The following NAALADL2 variants were observed in gnomAD, a reference collection of about 807,000 sequenced individuals.
The protein encoded by NAALADL2 is inactive N-acetylated-alpha-linked acidic dipeptidase-like protein 2.
Under a neutral mutation model 87.2 loss-of-function variants are expected in NAALADL2, and 76 were observed. The ratio of observed to expected loss-of-function variants is 0.87; its 90% CI spans 0.72 to 1.05. The LOEUF (loss-of-function observed/expected upper bound fraction) is 1.05, where lower values mean the gene tolerates loss of function less well. Among genes scored for constraint, NAALADL2 ranks in the 50% least tolerant of loss-of-function variants. NAALADL2 has a pLI of 0.00. For missense variants in NAALADL2, 1,089 were observed against 945.8 expected, an observed-to-expected ratio of 1.15 and a Z score of -1.99; for synonymous variants, 354 against 331.0, an observed-to-expected ratio of 1.07 and a Z score of -0.75.
chr3:175,302,868 G>A lies in NAALADL2; in HGVS notation c.940-21307G>A, dbSNP rs572799229. Among the ~76,000 whole-genome samples the A allele has an allele frequency of 1.7e-4, 26 of 149,264 alleles. No individual in the cohort carries two copies. In the South Asian group the frequency reaches 2.1e-3, roughly 12 times the overall value. Reference sequence around the variant, plus strand: ...TGTGTATGTGTGTGTGTGTGTGTGTGTATATTTTTTCATAAATATTTGTGA... The same window carrying A: ...TGTGTATGTGTGTGTGTGTGTGTGTATATATTTTTTCATAAATATTTGTGA... On this transcript the variant is annotated intron_variant, in intron 4 of 13. Coordinates refer to ENST00000454872, the MANE Select transcript of NAALADL2 (RefSeq NM_207015.3).
intron 3 of NAALADL2, among the ~76,000 whole-genome samples, chr3:174,803,667 C>T (rs1245121499): frequency 6.6e-6 from 1 of 152,068 alleles, no homozygotes; most frequent in Non-Finnish European, 1.5e-5. Flanking sequence ...GGAAGGAATC[C>T]AGTTTCAGCT....
chr3:175,685,281 C>A (rs1216909617), intron 11 of NAALADL2, among the ~76,000 whole-genome samples: 1 of 152,142 alleles, frequency 6.6e-6, no homozygotes, highest in Non-Finnish European at 1.5e-5. Context: ...CTCCTAGCAT[C>A]AAGTCCAATT....
chr3:174,763,878 GTT>G (rs1444330624), intron 3 of NAALADL2, among the ~76,000 whole-genome samples: 1 of 151,358 alleles, frequency 6.6e-6, no homozygotes, highest in Non-Finnish European at 1.5e-5. Flanking sequence ...GTCCCAAGCA[GTT>G]TTAAAGCCAT....
chr3:175,572,594 A>G (rs1718249749), intron 9 of NAALADL2, among the ~76,000 whole-genome samples: 1 of 152,202 alleles, frequency 6.6e-6, no homozygotes, highest in Non-Finnish European at 1.5e-5. Context: ...ACAATACAAA[A>G]CATGTAAATA....
At chr3:174,960,699 T>C (rs1317609551) in intron 1 of NAALADL2, among the ~76,000 whole-genome samples, 1 of 152,062 alleles carries the variant, frequency 6.6e-6, no homozygotes, top group African/African-American at 2.4e-5. Context: ...TAAAACACTA[T>C]TTTATTCCAA....
chr3:175,274,627 A>G (rs912452427), intron 4 of NAALADL2, among the ~76,000 whole-genome samples: 1 of 152,148 alleles, frequency 6.6e-6, no homozygotes, highest in African/African-American at 2.4e-5. Flanking sequence ...CTCTGGAGTC[A>G]GTCATTTTGG....
chr3:175,197,110 T>C (rs527568489), intron 2 of NAALADL2, among the ~76,000 whole-genome samples: 8 of 152,094 alleles, frequency 5.3e-5, no homozygotes, highest in Middle Eastern at 3.4e-3. Flanking sequence ...AATGGATGCT[T>C]GCAACACTTA....
At chr3:174,674,105 C>A (rs953602003) in intron 2 of NAALADL2, among the ~76,000 whole-genome samples, 1 of 151,834 alleles carries the variant, frequency 6.6e-6, no homozygotes, top group Non-Finnish European at 1.5e-5. Context: ...TCTCAGGGAG[C>A]TTTAACTCAT....
chr3:174,767,328 G>A (rs1713940934), intron 3 of NAALADL2, among the ~76,000 whole-genome samples: 1 of 152,044 alleles, frequency 6.6e-6, no homozygotes, highest in East Asian at 1.9e-4. Flanking sequence ...TAAGTTTTCT[G>A]TCTAGTGTGA....
intron 13 of NAALADL2, among the ~76,000 whole-genome samples, chr3:175,759,102 G>A (rs1296219442): frequency 6.6e-6 from 1 of 152,100 alleles, no homozygotes; most frequent in Non-Finnish European, 1.5e-5. Flanking sequence ...TGAATCCTAT[G>A]ATGTTGCATG....
At chr3:175,650,074 A>AAAC (rs55718419) in intron 11 of NAALADL2, among the ~76,000 whole-genome samples, 2 of 150,794 alleles carry the variant, frequency 1.3e-5, no homozygotes, top group African/African-American at 4.9e-5. Context: ...AAAAAAAAAA[A>AAAC]CCCTCAGATT....
At chr3:175,577,538 G>A (rs969644548) in intron 10 of NAALADL2, among the ~76,000 whole-genome samples, 4 of 152,130 alleles carry the variant, frequency 2.6e-5, no homozygotes, top group Admixed American at 2.6e-4. Flanking sequence ...ACAGGGACCA[G>A]TGAAATTCTA....
chr3:174,712,622 A>G (rs2108920906), intron 2 of NAALADL2, among the ~76,000 whole-genome samples: 1 of 151,448 alleles, frequency 6.6e-6, no homozygotes, highest in South Asian at 2.1e-4. Flanking sequence ...TCCTGACTTC[A>G]TGATCCACCC....
chr3:175,031,949 T>C (rs936002534), intron 1 of NAALADL2, among the ~76,000 whole-genome samples: 3 of 152,104 alleles, frequency 2.0e-5, no homozygotes, highest in Non-Finnish European at 2.9e-5. Flanking sequence ...TTTGCCCAGT[T>C]TTTAATGGGG....
intron 13 of NAALADL2, among the ~76,000 whole-genome samples, chr3:175,787,359 G>T: frequency 6.6e-6 from 1 of 152,202 alleles, no homozygotes; most frequent in Non-Finnish European, 1.5e-5. Flanking sequence ...CTAGCAATCA[G>T]TGAGACTCCG....
chr3:175,042,506 A>T (rs1231374004), intron 1 of NAALADL2, among the ~76,000 whole-genome samples: 1 of 152,118 alleles, frequency 6.6e-6, no homozygotes, highest in Non-Finnish European at 1.5e-5. Flanking sequence ...TTTTTAACTT[A>T]ACATACTATT....
At chr3:174,963,487 A>G (rs1283792273) in intron 1 of NAALADL2, among the ~76,000 whole-genome samples, 1 of 152,124 alleles carries the variant, frequency 6.6e-6, no homozygotes, top group East Asian at 1.9e-4. Context: ...TCTTTTGGGG[A>G]AAACCTTATA....
At chr3:175,278,427 T>C (rs1428038865) in intron 4 of NAALADL2, among the ~76,000 whole-genome samples, 1 of 152,184 alleles carries the variant, frequency 6.6e-6, no homozygotes, top group Admixed American at 6.5e-5. Flanking sequence ...ACTGAGTACC[T>C]GCGTCTAACC....
chr3:174,463,863 G>A (rs1716363331), intron 1 of NAALADL2, among the ~76,000 whole-genome samples: 1 of 152,090 alleles, frequency 6.6e-6, no homozygotes, highest in South Asian at 2.1e-4. Flanking sequence ...CTCCCAAAAT[G>A]CTGGGATTAC....
Sources: allele counts gnomAD v4.1 joint callset (sites outside exome capture counted in the v4.1 genomes callset), GRCh38; gene constraint gnomAD v4.1.1; transcripts MANE v1.5; gene names NCBI Gene and HGNC (gene_info 2026-07-23, HGNC 2026-07-21).